The following XNDC1N variants were observed in gnomAD, a reference collection of about 807,000 sequenced individuals.
XNDC1N encodes the protein protein XNDC1N.
At chr11:71,890,919 C>A in the XNDC1N span, among the ~76,000 whole-genome samples, 31 of 151,930 alleles carry the variant, frequency 2.0e-4, no homozygotes, top group Non-Finnish European at 3.1e-4. Context: ...AACATCCCTG[C>A]GATATTGAGA....
At chr11:71,910,426 G>A in the XNDC1N span, among the ~76,000 whole-genome samples, 1 of 152,180 alleles carries the variant, frequency 6.6e-6, no homozygotes, top group African/African-American at 2.4e-5. Flanking sequence ...CAGTACACTT[G>A]GACCGGGTTT....
the XNDC1N span, chr11:71,918,759 C>T: frequency 1.6e-6 from 1 of 617,322 alleles, no homozygotes; most frequent in Non-Finnish European, 2.9e-6. Flanking sequence ...CCCTTTGACA[C>T]CCAGGTAAAA....
At chr11:71,918,796 G>T in the XNDC1N span, 2 of 660,878 alleles carry the variant, frequency 3.0e-6, no homozygotes, top group African/African-American at 3.6e-5. Flanking sequence ...TGCTCAGCCA[G>T]AATGAACTGA....
At chr11:71,912,382 C>A in the XNDC1N span, among the ~76,000 whole-genome samples, 1 of 152,158 alleles carries the variant, frequency 6.6e-6, no homozygotes, top group East Asian at 1.9e-4. Context: ...GGGGTGTAGA[C>A]ACCCTGAGAC....
chr11:71,906,514 C>T, the XNDC1N span, among the ~76,000 whole-genome samples: 2 of 151,952 alleles, frequency 1.3e-5, no homozygotes, highest in South Asian at 4.1e-4. Flanking sequence ...ATTGGGACAT[C>T]GGTAGTCACA....
the XNDC1N span, chr11:71,927,574 A>G: frequency 3.3e-5 from 5 of 152,222 alleles, no homozygotes; most frequent in East Asian, 9.6e-4. Context: ...ACAATACAAT[A>G]CTATATAGTC....
At chr11:71,893,297 A>G in the XNDC1N span, 3 of 511,784 alleles carry the variant, frequency 5.9e-6, no homozygotes, top group Admixed American at 6.6e-5. Flanking sequence ...TAAATCACGT[A>G]ATAATTCTGA....
At chr11:71,898,214 GA>G in the XNDC1N span, among the ~76,000 whole-genome samples, 4,254 of 144,948 alleles carry the variant, frequency 0.029, 69 homozygotes, top group East Asian at 0.083. Flanking sequence ...AAAACCAAAT[GA>G]AAAAAAAAAC....
the XNDC1N span, among the ~76,000 whole-genome samples, chr11:71,868,212 A>G: frequency 1.3e-5 from 2 of 152,208 alleles, no homozygotes; most frequent in African/African-American, 2.4e-5. Context: ...GACAGCATAC[A>G]GTTGGGGCTT....
chr11:71,911,723 A>T, the XNDC1N span, among the ~76,000 whole-genome samples: 2 of 152,196 alleles, frequency 1.3e-5, no homozygotes, highest in Non-Finnish European at 2.9e-5. Context: ...ACAAAATATC[A>T]ACAGGAAATC....
the XNDC1N span, chr11:71,903,047 T>C: frequency 4.2e-6 from 2 of 480,772 alleles, no homozygotes; most frequent in Non-Finnish European, 7.7e-6. Flanking sequence ...AAAATATTGC[T>C]GAGTGTGGAT....
chr11:71,896,314 A>C, the XNDC1N span, among the ~76,000 whole-genome samples: 2 of 152,228 alleles, frequency 1.3e-5, no homozygotes, highest in East Asian at 1.9e-4. Flanking sequence ...AGAAGGTGGA[A>C]AGTATAAAGA....
At chr11:71,880,067 T>C in the XNDC1N span, among the ~76,000 whole-genome samples, 3 of 152,206 alleles carry the variant, frequency 2.0e-5, no homozygotes, top group Non-Finnish European at 4.4e-5. Flanking sequence ...AGGAAAAGTA[T>C]AATTCTGTAT....
the XNDC1N span, among the ~76,000 whole-genome samples, chr11:71,867,517 G>A: frequency 0.19 from 28,616 of 152,128 alleles, 4,921 homozygotes; most frequent in African/African-American, 0.45. Context: ...CTGCTTACAT[G>A]TGGTTCCAGA....
chr11:71,899,175 TAGTC>T, the XNDC1N span, among the ~76,000 whole-genome samples: 6 of 152,108 alleles, frequency 3.9e-5, no homozygotes, highest in East Asian at 1.9e-4. Context: ...GAATAGTAAA[TAGTC>T]AGTCTGTGCC....
chr11:71,902,158 TGTC>T, the XNDC1N span, among the ~76,000 whole-genome samples: 6 of 152,098 alleles, frequency 3.9e-5, no homozygotes, highest in Non-Finnish European at 7.3e-5. Flanking sequence ...CAAAATTGGC[TGTC>T]ATCAGCGTGA....
chr11:71,917,436 C>T, the XNDC1N span: 1 of 637,084 alleles, frequency 1.6e-6, no homozygotes, highest in Non-Finnish European at 2.8e-6. Flanking sequence ...GCATCCTCAC[C>T]ACACAAATCT....
At chr11:71,892,494 C>A in the XNDC1N span, among the ~76,000 whole-genome samples, 2 of 151,722 alleles carry the variant, frequency 1.3e-5, no homozygotes, top group East Asian at 1.9e-4. Context: ...ATATTAGGAG[C>A]AATATCTTTC....
the XNDC1N span, chr11:71,917,394 A>T: frequency 3.4e-5 from 21 of 614,534 alleles, no homozygotes; most frequent in Middle Eastern, 1.8e-3. Flanking sequence ...AAATATAAAT[A>T]GTTCATAAAT....
Sources: gnomAD v4.1 joint callset for allele counts (sites outside exome capture counted in the v4.1 genomes callset) on GRCh38, gnomAD v4.1.1 for gene constraint, MANE v1.5 for transcripts, NCBI Gene and HGNC (gene_info 2026-07-23, HGNC 2026-07-21) for gene names.